CHLSN: variants seen among roughly 807,000 people sequenced by gnomAD.
CHLSN encodes protein cholesin.
chr7:1,116,233 G>T, the CHLSN span, among the ~76,000 whole-genome samples: 2 of 139,088 alleles, frequency 1.4e-5, no homozygotes, highest in Non-Finnish European at 1.5e-5. Context: ...CAACGCCCAC[G>T]CAGGATGACT....
chr7:1,135,533 G>A, the CHLSN span, among the ~76,000 whole-genome samples: 1,049 of 151,358 alleles, frequency 6.9e-3, 11 homozygotes, highest in African/African-American at 0.019. Context: ...TTGGGAGGCC[G>A]AGGCGGGGAG....
chr7:1,002,734 A>C, the CHLSN span, among the ~76,000 whole-genome samples: 88 of 45,980 alleles, frequency 1.9e-3, no homozygotes, highest in African/African-American at 0.01. Flanking sequence ...GGTGAGTGGA[A>C]TCCTGTGGGT....
At chr7:1,076,586 C>T in the CHLSN span, among the ~76,000 whole-genome samples, 3 of 152,262 alleles carry the variant, frequency 2.0e-5, no homozygotes, top group Non-Finnish European at 4.4e-5. Flanking sequence ...GCACAAGCAC[C>T]GGGGAGGGAT....
At chr7:1,028,478 C>G in the CHLSN span, 191 of 985,248 alleles carry the variant, frequency 1.9e-4, no homozygotes, top group African/African-American at 2.9e-3. Context: ...AGAGCCGGGG[C>G]GGGGCCTCGG....
the CHLSN span, among the ~76,000 whole-genome samples, chr7:1,110,256 C>A: frequency 6.6e-6 from 1 of 152,246 alleles, no homozygotes; most frequent in South Asian, 2.1e-4. Flanking sequence ...GGAAAGCGCA[C>A]ACACCACCAC....
chr7:1,078,523 T>C, the CHLSN span, among the ~76,000 whole-genome samples: 1 of 152,194 alleles, frequency 6.6e-6, no homozygotes, highest in Non-Finnish European at 1.5e-5. Flanking sequence ...GTGGGAGTCC[T>C]GTGAGATGCT....
chr7:986,682 G>A, the CHLSN span: 21 of 1,612,542 alleles, frequency 1.3e-5, no homozygotes, highest in Admixed American at 3.3e-5. Flanking sequence ...CCCGTCCTGC[G>A]CAAGATCGAG....
the CHLSN span, among the ~76,000 whole-genome samples, chr7:1,078,255 C>G: frequency 1.3e-5 from 2 of 152,068 alleles, no homozygotes; most frequent in Non-Finnish European, 2.9e-5. Flanking sequence ...CGTGGCAGAG[C>G]ACAGCGGGTG....
At chr7:1,040,923 G>A in the CHLSN span, among the ~76,000 whole-genome samples, 1 of 152,260 alleles carries the variant, frequency 6.6e-6, no homozygotes, top group Non-Finnish European at 1.5e-5. Context: ...CTGCAGCCGC[G>A]CTCCGTGAGT....
chr7:1,002,113 TCCTGTGGGTGAGTGGAGC>T, the CHLSN span, among the ~76,000 whole-genome samples: 1 of 99,316 alleles, frequency 1.0e-5, no homozygotes, highest in Admixed American at 1.1e-4. Context: ...GGGTGGGAAG[TCCTGTGGGTGAGTGGAGC>T]CCTGTGGGTG....
the CHLSN span, among the ~76,000 whole-genome samples, chr7:996,129 C>T: frequency 1.3e-5 from 2 of 152,232 alleles, no homozygotes; most frequent in Non-Finnish European, 2.9e-5. Context: ...GGCCAGTCAC[C>T]GCTCTGAGGT....
At chr7:1,130,926 G>A in the CHLSN span, among the ~76,000 whole-genome samples, 2 of 152,206 alleles carry the variant, frequency 1.3e-5, no homozygotes, top group Non-Finnish European at 2.9e-5. Flanking sequence ...AGTGGCTCAC[G>A]CCTGTCATCC....
the CHLSN span, among the ~76,000 whole-genome samples, chr7:1,046,702 A>T: frequency 6.7e-6 from 1 of 150,126 alleles, no homozygotes; most frequent in Non-Finnish European, 1.5e-5. Context: ...TGAGCAGCAG[A>T]GGGACAAGGT....
At chr7:978,679 G>A in the CHLSN span, among the ~76,000 whole-genome samples, 1 of 152,360 alleles carries the variant, frequency 6.6e-6, no homozygotes, top group East Asian at 1.9e-4. Flanking sequence ...ATCCAGCTAA[G>A]TAGGTCTTAT....
chr7:1,004,379 C>T, the CHLSN span, among the ~76,000 whole-genome samples: 76 of 152,290 alleles, frequency 5.0e-4, 1 homozygote, highest in East Asian at 0.012. Flanking sequence ...GAGTGGTGAC[C>T]CCACTTCACG....
chr7:987,955 T>TGG, the CHLSN span, among the ~76,000 whole-genome samples: 60 of 94,836 alleles, frequency 6.3e-4, no homozygotes, highest in Non-Finnish European at 9.6e-4. Flanking sequence ...CTGTGTGTCC[T>TGG]GGGGGTCCCC....
At chr7:1,057,956 G>A in the CHLSN span, 14 of 772,002 alleles carry the variant, frequency 1.8e-5, no homozygotes, top group Non-Finnish European at 2.6e-5. Context: ...CGCGGCACGT[G>A]TGCGGCTTCG....
chr7:1,124,587 T>G, the CHLSN span, among the ~76,000 whole-genome samples: 6 of 121,424 alleles, frequency 4.9e-5, no homozygotes, highest in African/African-American at 1.6e-4. Context: ...GGGGGAGGGA[T>G]AGCATTGGGA....
chr7:988,323 C>G, the CHLSN span: 1 of 1,611,364 alleles, frequency 6.2e-7, no homozygotes, highest in East Asian at 2.2e-5. Context: ...CTGGATGAGA[C>G]ACAGTGGCAG....
Sources: allele counts gnomAD v4.1 joint callset (sites outside exome capture counted in the v4.1 genomes callset), GRCh38; gene constraint gnomAD v4.1.1; transcripts MANE v1.5; gene names NCBI Gene and HGNC (gene_info 2026-07-23, HGNC 2026-07-21).